CCDC110: variants seen among roughly 807,000 people sequenced by gnomAD.
The protein encoded by CCDC110 is coiled-coil domain containing 110.
A neutral mutation model predicts 77.1 loss-of-function variants in CCDC110; 70 were observed. The observed-to-expected ratio is 0.91, with a 90% CI of 0.75 to 1.11. The LOEUF is 1.11. Ranked by LOEUF, CCDC110 falls within the 50% of genes least tolerant of loss-of-function variation. The pLI is 0.00. For missense variants in CCDC110, 868 were observed against 942.9 expected (o/e 0.92, Z 1.04); for synonymous variants, 295 against 312.5 (o/e 0.94, Z 0.59).
rs1377036705 is a variant in CCDC110, at chr4:185,459,199, A to G, written c.1388T>C (p.Ile463Thr). Residue 463 changes from isoleucine to threonine, a missense_variant, in exon 6 of 7, where the codon ATC (isoleucine) becomes ACC (threonine). Transcript: ENST00000307588. ...CTGTATGAGAGATTGTGTGGTAAAGATAAGAGGTTTCATTTTGGACTTAAG... is the reference window on the plus strand; with the variant it reads ...CTGTATGAGAGATTGTGTGGTAAAGGTAAGAGGTTTCATTTTGGACTTAAG... ...LNLKSKMKPL[I>T]FTTQSLIQKV... 6.2e-7 allele frequency: 1 copy of G among 1,603,814 alleles called. No individual in the cohort carries two copies. Among genetic ancestry groups the G allele is most frequent in the Admixed American group, 1.7e-5 (1 of 57,968 alleles).
chr4:185,448,166 G>A (rs771552802), intron 6 of CCDC110, among the ~76,000 whole-genome samples: 10 of 152,006 alleles, frequency 6.6e-5, no homozygotes, highest in South Asian at 2.1e-4. Flanking sequence ...TATTACAGGC[G>A]CCCACCACCA....
At chr4:185,449,890 A>G in intron 6 of CCDC110, 1 of 310,606 alleles carries the variant, frequency 3.2e-6, no homozygotes, top group South Asian at 1.2e-4. Flanking sequence ...TACACATTTT[A>G]TAAAATCCCG....
At position 185,452,912 on chromosome 4, in the gene CCDC110, G is replaced by T. The variant is rs190028378; in HGVS notation, c.2461+5214C>A. ...TCAAAAAAAAAAAAAAAAAAAAAAA[G>T]CCAGGTTCAACCTATTACTATTATA... On this transcript the variant is annotated intron_variant, in intron 6 of 6. Coordinates refer to ENST00000307588, the MANE Select transcript of CCDC110 (RefSeq NM_152775.4). Among the ~76,000 whole-genome samples, 300 of 125,150 alleles carry T rather than the reference G, an allele frequency of 2.4e-3. 1 individual carries two copies. Among genetic ancestry groups the T allele is most frequent in the African/African-American group, 8.6e-3 (288 of 33,450 alleles). The allele number at this position is 125,150 out of a possible 152,430, so 82.1% of individuals were successfully genotyped here. A position where few individuals can be genotyped will look rare whatever the true frequency, so the allele number is the denominator to read the frequency against.
rs193052032 is a variant in CCDC110 at position 185,458,843 on chromosome 4, G to C, written c.1744C>G (p.Gln582Glu). ...EAMKTNILLI[Q>E]DEKEMLEKKT... ...TTCTCTAACATTTCTTTTTCATCTT[G>C]TATCAACAGAATATTGGTTTTCATT... Residue 582 changes from glutamine (Q) to glutamate (E), a missense_variant, in exon 6 of 7, where the codon CAA (glutamine) becomes GAA (glutamate). Transcript: ENST00000307588. 25 of 1,603,842 alleles carry C rather than the reference G, an allele frequency of 1.6e-5. No homozygotes were observed. The highest frequency in any genetic ancestry group is 2.2e-5 in the East Asian group (1 of 44,642).
chr4:185,446,618 A>G lies in CCDC110; in HGVS notation c.2462-1076T>C, dbSNP rs541247949. 3.3e-5 allele frequency among the ~76,000 whole-genome samples: 5 copies of G among 152,336 alleles called. No individual in the cohort carries two copies. In the South Asian group the frequency reaches 1.0e-3, roughly 32 times the overall value. On this transcript the variant is annotated intron_variant, in intron 6 of 6. Coordinates refer to ENST00000307588, the MANE Select transcript of CCDC110 (RefSeq NM_152775.4). ...TATCAATCAGGGACTACCTAGTACT[A>G]AATTTTATGTTGAGAGTTTGCAAGA...
chr4:185,460,366 G>A, intron 5 of CCDC110, 128 bp from the exon 6 acceptor site: 3 of 614,762 alleles, frequency 4.9e-6, no homozygotes, highest in Non-Finnish European at 8.0e-6. Context: ...CTACAGCAAA[G>A]GAGCATAACA....
At chr4:185,447,818 G>T (rs748324173) in intron 6 of CCDC110, among the ~76,000 whole-genome samples, 20 of 152,138 alleles carry the variant, frequency 1.3e-4, no homozygotes, top group Admixed American at 4.6e-4. Flanking sequence ...GCTCTAAATT[G>T]CTATGATACC....
intron 2 of CCDC110, among the ~76,000 whole-genome samples, chr4:185,466,440 A>G (rs931709989): frequency 7.2e-5 from 11 of 152,184 alleles, no homozygotes; most frequent in African/African-American, 2.7e-4. Flanking sequence ...CATGCATAGA[A>G]GCCCGAACGA....
In CCDC110 at chr4:185,462,593, G is replaced by A. The variant is rs1313513565; in HGVS notation, c.237+50C>T. The A allele has an allele frequency of 2.9e-6, 4 of 1,393,442 alleles. No homozygotes were observed. The Admixed American group carries it at 6.7e-5, about 23-fold the overall frequency. 86.3% of individuals were successfully genotyped at this position (1,393,442 alleles called of 1,614,324 possible). A position where few individuals can be genotyped will look rare whatever the true frequency, so the allele number is the denominator to read the frequency against. ...TAGTGACCATCAGCTTAGAAGATGG[G>A]ATGATACTTCAAGGTGAGATATTTC... On this transcript the variant is annotated intron_variant, in intron 4 of 6. Coordinates refer to ENST00000307588, the MANE Select transcript of CCDC110 (RefSeq NM_152775.4).
Position 185,460,054 on chromosome 4 carries a change from T to A in CCDC110, c.533A>T (p.Asn178Ile). The stretch of plus-strand genomic sequence containing the variant: ...GTGTATAATTATGTTTGAAGATAAA[T>A]TGTCTGTTGAAGTTCTCAGAGTTAA... ...DTLTLRTSTD[N>I]LSSNIIIHPS... Residue 178 changes from asparagine (N) to isoleucine (I), a missense_variant, in exon 6 of 7, where the codon AAT (asparagine) becomes ATT (isoleucine). Coordinates refer to ENST00000307588, the MANE Select transcript of CCDC110 (RefSeq NM_152775.4). 1 of 1,613,826 alleles carries A rather than the reference T, an allele frequency of 6.2e-7. No homozygotes were observed. The highest frequency in any genetic ancestry group is 8.5e-7 in the Non-Finnish European group (1 of 1,179,852).
chr4:185,459,975 T>A lies in CCDC110; in HGVS notation c.612A>T (p.Leu204=), dbSNP rs1442132170. 1 of 1,613,624 alleles carries A rather than the reference T, an allele frequency of 6.2e-7. No homozygotes were observed. Among genetic ancestry groups the A allele is most frequent in the African/African-American group, 1.3e-5 (1 of 75,030 alleles). Residue 204 remains leucine, a synonymous_variant, in exon 6 of 7, where the codon CTA becomes CTT. Transcript: ENST00000307588. ...LKNYNNFYRF[L]PTAPPNVMSQ... ...ACATCACATTTGGAGGTGCAGTAGG[T>A]AGAAAACGATAAAAGTTATTATAAT...
rs552818158 is a variant in CCDC110 at position 185,462,712 on chromosome 4, T to A, written c.172-4A>T. The A allele has an allele frequency of 6.8e-6, 11 of 1,612,192 alleles. No individual in the cohort carries two copies. The African/African-American group carries it at 9.3e-5, about 14-fold the overall frequency. On this transcript the variant is annotated splice_polypyrimidine_tract_variant and splice_region_variant and intron_variant, in intron 3 of 6. Transcript: ENST00000307588. The stretch of plus-strand genomic sequence containing the variant: ...ATTCCAACTGCTGCTGAAGGACCTA[T>A]GACAAAAGTAAAGTATGAAATTGAG...
rs751819520 is a variant in CCDC110, at chr4:185,470,924, T to C, written c.115+21A>G. 3.2e-5 allele frequency: 50 copies of C among 1,548,080 alleles called. No homozygotes were observed. The Admixed American group carries it at 7.5e-4, about 23-fold the overall frequency. On this transcript the variant is annotated intron_variant, in intron 2 of 6. Coordinates refer to ENST00000307588, the MANE Select transcript of CCDC110 (RefSeq NM_152775.4). Reference sequence around the variant, plus strand: ...CGCCTGTGTATAGTTAAAGGAGCCTTTTACGGTCTGGCGATTTTACCTGTG... The same window carrying C: ...CGCCTGTGTATAGTTAAAGGAGCCTCTTACGGTCTGGCGATTTTACCTGTG...
chr4:185,458,696 G>C lies in CCDC110; in HGVS notation c.1891C>G (p.Leu631Val). The change falls in exon 6 of 7, where the codon CTT becomes GTT. Residue 631 changes from leucine to valine, a missense_variant. Coordinates refer to ENST00000307588, the MANE Select transcript of CCDC110 (RefSeq NM_152775.4). The stretch of plus-strand genomic sequence containing the variant: ...TCTTTAACTGTTTCTATTATTTGAA[G>C]AAGTGTCTCTTGTTCCGTTTTTGCC... ...RLAKTEQETL[L>V]QIIETVKDEK... 1 of 1,603,930 alleles carries C rather than the reference G, an allele frequency of 6.2e-7. No individual in the cohort carries two copies. The highest frequency in any genetic ancestry group is 8.5e-7 in the Non-Finnish European group (1 of 1,177,776).
intron 2 of CCDC110, among the ~76,000 whole-genome samples, chr4:185,463,378 T>A (rs2095649897): frequency 6.6e-6 from 1 of 152,206 alleles, no homozygotes; most frequent in South Asian, 2.1e-4. Context: ...ATGCTCATAT[T>A]ATGGGAGACC....
At chr4:185,470,687 G>T in intron 2 of CCDC110, 1 of 579,444 alleles carries the variant, frequency 1.7e-6, no homozygotes, top group South Asian at 1.5e-5. Context: ...TGACCTTAGG[G>T]AGTTAACCTC....
At position 185,458,656 on chromosome 4, in the gene CCDC110, A is replaced by G; in HGVS notation, c.1931T>C (p.Leu644Pro). 1 of 1,606,110 alleles carries G rather than the reference A, an allele frequency of 6.2e-7. No individual in the cohort carries two copies. Among genetic ancestry groups the G allele is most frequent in the Non-Finnish European group, 8.5e-7 (1 of 1,178,940 alleles). Residue 644 changes from leucine (L) to proline (P), a missense_variant, in exon 6 of 7, where the codon CTT becomes CCT. Transcript: ENST00000307588. The stretch of plus-strand genomic sequence containing the variant: ...AGTAGATTCTTGTAATGTTGTTTCA[A>G]GGTTGAGTTTTTCATCTTTAACTGT... Reference protein sequence around the residue: ...IETVKDEKLNLETTLQESTAA... With the variant: ...IETVKDEKLNPETTLQESTAA...
At position 185,458,394 on chromosome 4, in the gene CCDC110, T is replaced by G; in HGVS notation, c.2193A>C (p.Lys731Asn). ...ELKKHSQENI[K>N]FENSISRLTE... The stretch of plus-strand genomic sequence containing the variant: ...TAAGTCTACTGATGCTGTTTTCAAA[T>G]TTTATATTTTCTTGACTATGTTTCT... The change falls in exon 6 of 7, where the codon AAA (lysine) becomes AAC (asparagine). Residue 731 changes from lysine to asparagine, a missense_variant. Coordinates refer to ENST00000307588, the MANE Select transcript of CCDC110 (RefSeq NM_152775.4). 1 of 1,594,462 alleles carries G rather than the reference T, an allele frequency of 6.3e-7. No individual in the cohort carries two copies.
Position 185,459,012 on chromosome 4 carries a change from TAG to T in CCDC110, c.1573_1574del (p.Leu525ArgfsTer24). Reference sequence around the variant, plus strand: ...AAGAAAGTTGTATATTTTTTTCCTCTAGAGTTTTATTTTGGCCTTGCAGAACA... The same window carrying T: ...AAGAAAGTTGTATATTTTTTTCCTCTAGTTTTATTTTGGCCTTGCAGAACA... ...YNVLQGQNKT[L>X]EEKNIQLSLE... On this transcript the variant is annotated frameshift_variant, in exon 6 of 7. Coordinates refer to ENST00000307588, the MANE Select transcript of CCDC110 (RefSeq NM_152775.4). LOFTEE classifies it high-confidence loss of function. The T allele has an allele frequency of 6.3e-7, 1 of 1,596,136 alleles. No homozygotes were observed. Among genetic ancestry groups the T allele is most frequent in the South Asian group, 1.1e-5 (1 of 87,380 alleles).
Sources: gnomAD v4.1 joint callset for allele counts (sites outside exome capture counted in the v4.1 genomes callset) on GRCh38, gnomAD v4.1.1 for gene constraint, MANE v1.5 for transcripts, NCBI Gene and HGNC (gene_info 2026-07-23, HGNC 2026-07-21) for gene names.